The following UGT8 variants were observed in gnomAD, a reference collection of about 807,000 sequenced individuals.
UGT8 encodes the protein UDP glycosyltransferase 8, also known as 2-hydroxyacylsphingosine 1-beta-galactosyltransferase.
In UGT8, 12 loss-of-function variants were observed where a neutral mutation model predicts 40.5. The observed-to-expected ratio is 0.30, with a 90% confidence interval of 0.19 to 0.48. The LOEUF (loss-of-function observed/expected upper bound fraction) is 0.48, where lower values mean the gene tolerates loss of function less well. Ranked by LOEUF, UGT8 falls within the 20% of genes least tolerant of loss-of-function variation. The pLI is 0.99. For missense variants in UGT8, 513 were observed against 648.7 expected (o/e 0.79, Z 2.27); for synonymous variants, 224 against 240.4 (o/e 0.93, Z 0.63).
chr4:114,648,945 G>A (rs1438836588), intron 2 of UGT8, among the ~76,000 whole-genome samples: 1 of 152,110 alleles, frequency 6.6e-6, no homozygotes, highest in Non-Finnish European at 1.5e-5. Context: ...GGAGGGCACT[G>A]GACTAGAACA....
chr4:114,640,520 A>T lies in UGT8; in HGVS notation c.822+16818A>T, dbSNP rs551897617. The stretch of plus-strand genomic sequence containing the variant: ...CCCTAAGGTAGCTGGATTTTATTTA[A>T]TTCAAAGACATATGCTAGGAGATCT... On this transcript the variant is annotated intron_variant, in intron 2 of 5. Coordinates refer to ENST00000310836, the MANE Select transcript of UGT8 (RefSeq NM_001128174.3). Among the ~76,000 whole-genome samples the T allele has an allele frequency of 2.6e-5, 4 of 152,272 alleles. No individual in the cohort carries two copies. In the South Asian group the frequency reaches 8.3e-4, roughly 32 times the overall value.
intron 2 of UGT8, among the ~76,000 whole-genome samples, chr4:114,648,236 T>C (rs1733694337): frequency 6.6e-6 from 1 of 152,150 alleles, no homozygotes; most frequent in Non-Finnish European, 1.5e-5. Flanking sequence ...TTATTAATAC[T>C]CAAAAGCATA....
At chr4:114,653,315 G>A (rs1164750500) in intron 2 of UGT8, among the ~76,000 whole-genome samples, 1 of 152,010 alleles carries the variant, frequency 6.6e-6, no homozygotes, top group African/African-American at 2.4e-5. Flanking sequence ...GCATATTGTG[G>A]CCTTTGCCTA....
intron 2 of UGT8, among the ~76,000 whole-genome samples, chr4:114,625,152 C>T (rs1024466964): frequency 3.3e-5 from 5 of 152,114 alleles, no homozygotes; most frequent in African/African-American, 7.2e-5. Flanking sequence ...CCCCTTCTGC[C>T]AGCTCCCTTT....
intron 2 of UGT8, among the ~76,000 whole-genome samples, chr4:114,648,795 A>G (rs1457072769): frequency 6.6e-6 from 1 of 152,202 alleles, no homozygotes; most frequent in African/African-American, 2.4e-5. Flanking sequence ...GGAATATAAT[A>G]TAAAGTAATT....
In UGT8 at chr4:114,678,133, A is replaced by AT. The variant is rs1578482404; in HGVS notation, c.*1847dup. On this transcript the variant is annotated 3_prime_UTR_variant, in exon 6 of 6. Transcript: ENST00000310836. Reference sequence around the variant, plus strand: ...GTTGATTTTACTTTTTTGGAATTTGATTAAGTTGACAGTAGGCACTGATTG... The same window carrying AT: ...GTTGATTTTACTTTTTTGGAATTTGATTTAAGTTGACAGTAGGCACTGATTG... 1 of 152,350 alleles carries AT rather than the reference A, an allele frequency of 6.6e-6. No homozygotes were observed. The highest frequency in any genetic ancestry group is 3.4e-3 in the Middle Eastern group (1 of 294). The allele number at this position is 152,350 out of a possible 1,614,324, so 9.4% of individuals were successfully genotyped here. A position where few individuals can be genotyped will look rare whatever the true frequency, so the allele number is the denominator to read the frequency against.
intron 2 of UGT8, among the ~76,000 whole-genome samples, chr4:114,646,758 A>G (rs1257012966): frequency 6.6e-6 from 1 of 152,228 alleles, no homozygotes; most frequent in African/African-American, 2.4e-5. Context: ...ATTCATGATT[A>G]TGATGTAGTG....
chr4:114,645,830 T>TA (rs1478432197), intron 2 of UGT8, among the ~76,000 whole-genome samples: 1 of 152,144 alleles, frequency 6.6e-6, no homozygotes, highest in African/African-American at 2.4e-5. Context: ...ATTAGTGAAA[T>TA]AGGTAGATTT....
rs546514879 is a variant in UGT8 at position 114,599,849 on chromosome 4, G to A, written c.-3+875G>A. Among the ~76,000 whole-genome samples the A allele has an allele frequency of 2.0e-5, 3 of 152,272 alleles. No homozygotes were observed. The South Asian group carries it at 6.2e-4, about 32-fold the overall frequency. Reference sequence around the variant, plus strand: ...CGGAGAGTGCAAGTAGATGCAGTGCGTCGGGGCAAAAGGACAATCTGAGGA... The same window carrying A: ...CGGAGAGTGCAAGTAGATGCAGTGCATCGGGGCAAAAGGACAATCTGAGGA... On this transcript the variant is annotated intron_variant, in intron 1 of 5. Transcript: ENST00000310836.
At chr4:114,627,720 T>A (rs1166867332) in intron 2 of UGT8, among the ~76,000 whole-genome samples, 1 of 152,216 alleles carries the variant, frequency 6.6e-6, no homozygotes, top group Non-Finnish European at 1.5e-5. Context: ...AAGTGATACT[T>A]TTTAGATGAT....
At chr4:114,660,846 G>C (rs956770475) in intron 2 of UGT8, among the ~76,000 whole-genome samples, 1 of 147,970 alleles carries the variant, frequency 6.8e-6, no homozygotes, top group Non-Finnish European at 1.5e-5. Context: ...AGCCGAGATC[G>C]CACCACTGCA....
intron 2 of UGT8, among the ~76,000 whole-genome samples, chr4:114,625,770 T>G (rs1428760917): frequency 1.3e-5 from 2 of 152,222 alleles, no homozygotes; most frequent in African/African-American, 4.8e-5. Context: ...GTGTCACTAT[T>G]TTGTTTTACA....
chr4:114,599,940 G>A (rs1730342535), intron 1 of UGT8, among the ~76,000 whole-genome samples: 1 of 152,138 alleles, frequency 6.6e-6, no homozygotes, highest in African/African-American at 2.4e-5. Context: ...ATAAAATTGA[G>A]TACGGTAAAC....
intron 1 of UGT8, among the ~76,000 whole-genome samples, chr4:114,615,498 C>T (rs1731352413): frequency 1.3e-5 from 2 of 152,122 alleles, no homozygotes; most frequent in African/African-American, 4.8e-5. Flanking sequence ...TCCTGAGTCC[C>T]CCTAGGGCTT....
intron 2 of UGT8, among the ~76,000 whole-genome samples, chr4:114,653,011 G>C (rs1047852063): frequency 6.6e-6 from 1 of 152,036 alleles, no homozygotes; most frequent in African/African-American, 2.4e-5. Flanking sequence ...AGATGACCAA[G>C]CCACTCATCC....
intron 2 of UGT8, among the ~76,000 whole-genome samples, chr4:114,638,268 A>G (rs1733008649): frequency 6.6e-6 from 1 of 152,186 alleles, no homozygotes; most frequent in African/African-American, 2.4e-5. Flanking sequence ...ATTATTCAAC[A>G]TTTAGAAGTG....
intron 1 of UGT8, among the ~76,000 whole-genome samples, chr4:114,618,134 A>G (rs1578410453): frequency 1.3e-5 from 2 of 152,198 alleles, no homozygotes. Flanking sequence ...TTCAAACATT[A>G]TTTTTGAAGT....
intron 2 of UGT8, among the ~76,000 whole-genome samples, chr4:114,657,671 T>C (rs1163727055): frequency 6.6e-6 from 1 of 152,146 alleles, no homozygotes; most frequent in Non-Finnish European, 1.5e-5. Context: ...AGAGAAAATA[T>C]CTTGGTGCAG....
chr4:114,626,531 A>G (rs2126101592), intron 2 of UGT8, among the ~76,000 whole-genome samples: 1 of 152,344 alleles, frequency 6.6e-6, no homozygotes, highest in Admixed American at 6.5e-5. Flanking sequence ...ACAATGTTTG[A>G]TCCTAAAGAA....
Sources: gnomAD v4.1 joint callset for allele counts (sites outside exome capture counted in the v4.1 genomes callset) on GRCh38, gnomAD v4.1.1 for gene constraint, MANE v1.5 for transcripts, NCBI Gene and HGNC (gene_info 2026-07-23, HGNC 2026-07-21) for gene names.